Variants in TGM2 observed in about 807,000 individuals in gnomAD.
TGM2 encodes transglutaminase 2, also known as protein-glutamine gamma-glutamyltransferase 2.
A neutral mutation model predicts 75.6 loss-of-function variants in TGM2; 53 were observed. The observed-to-expected ratio is 0.70, with a 90% CI of 0.56 to 0.88. The LOEUF (loss-of-function observed/expected upper bound fraction) is 0.88. TGM2 is among the 40% of genes least tolerant of loss of function. TGM2 has a pLI of 0.00. For missense variants in TGM2, 842 were observed against 928.5 expected (o/e 0.91, Z 1.21); for synonymous variants, 374 against 381.1 (o/e 0.98, Z 0.22).
intron 11 of TGM2, among the ~76,000 whole-genome samples, chr20:38,131,825 T>C (rs978672995): frequency 6.6e-5 from 10 of 152,122 alleles, no homozygotes; most frequent in African/African-American, 2.4e-4. Flanking sequence ...TGAGCCCTTA[T>C]CATGTGCTGA....
chr20:38,141,994 GC>G, intron 7 of TGM2, 69 bp downstream of exon 7: 1 of 1,589,080 alleles, frequency 6.3e-7, no homozygotes. Context: ...CCTCCAAGAA[GC>G]CCTCCAAGGT....
intron 1 of TGM2, among the ~76,000 whole-genome samples, chr20:38,162,595 C>T (rs1338007197): frequency 1.3e-5 from 2 of 152,114 alleles, no homozygotes; most frequent in Non-Finnish European, 1.5e-5. Flanking sequence ...CTATTTGGAT[C>T]TTGATTTCAA....
intron 2 of TGM2, 50 bp downstream of exon 2, chr20:38,161,370 G>A: frequency 1.2e-6 from 2 of 1,603,166 alleles, no homozygotes; most frequent in Non-Finnish European, 1.7e-6. Flanking sequence ...GGGGTGGAGA[G>A]GAAGTGGTGG....
At chr20:38,167,411 A>G (rs1252523979), upstream of TGM2, among the ~76,000 whole-genome samples, 2 of 152,218 alleles carry the variant, frequency 1.3e-5, no homozygotes, top group East Asian at 3.9e-4. Flanking sequence ...ATCTTTGCTC[A>G]CTGCAGCCTC....
intron 2 of TGM2, among the ~76,000 whole-genome samples, chr20:38,160,832 CTTTTTCT>C (rs1424386462): frequency 6.6e-6 from 1 of 152,158 alleles, no homozygotes; most frequent in African/African-American, 2.4e-5. Context: ...CAGACAGGAT[CTTTTTCT>C]TTTTTCTTTT....
Position 38,142,199 on chromosome 20 carries a change from A to G in TGM2, c.860T>C (p.Val287Ala), listed in dbSNP as rs762541606. The change falls in exon 7 of 13, where the codon GTG becomes GCG. Residue 287 changes from valine (V) to alanine (A), a missense_variant and splice_region_variant. Coordinates refer to ENST00000361475, the MANE Select transcript of TGM2 (RefSeq NM_004613.4). ...CWVFAAVACT[V>A]LRCLGIPTRV... ...GGTAGGGATGCCCAGGCACCTCAGC[A>G]CTGTTGGAGAGGAGTGGAAAGCGGG... is the stretch of plus-strand genomic sequence containing the variant. 17 of 1,614,014 alleles carry G rather than the reference A, an allele frequency of 1.1e-5. No individual in the cohort carries two copies. Among genetic ancestry groups the G allele is most frequent in the African/African-American group, 5.3e-5 (4 of 74,924 alleles).
At chr20:38,158,860 C>A (rs949615188) in intron 2 of TGM2, among the ~76,000 whole-genome samples, 1 of 151,332 alleles carries the variant, frequency 6.6e-6, no homozygotes, top group African/African-American at 2.5e-5. Flanking sequence ...GGGCGCTGAC[C>A]CAGGCCAGGC....
chr20:38,167,294 T>C (rs1209283985), upstream of TGM2, among the ~76,000 whole-genome samples: 2 of 152,290 alleles, frequency 1.3e-5, no homozygotes, highest in East Asian at 3.9e-4. Context: ...TATTTTTTCC[T>C]TTAAAACCCT....
chr20:38,149,551 C>T (rs186845548), intron 4 of TGM2, among the ~76,000 whole-genome samples: 40 of 151,898 alleles, frequency 2.6e-4, no homozygotes, highest in African/African-American at 8.5e-4. Context: ...TGGTGGTGGG[C>T]GTCTGTAGTC....
In TGM2 at chr20:38,146,719, G is replaced by C; in HGVS notation, c.857C>G (p.Thr286Arg). The change falls in exon 6 of 13, where the codon ACA (threonine) becomes AGA (arginine). Residue 286 changes from threonine to arginine, a missense_variant and splice_region_variant. By Grantham distance (71) the Thr-to-Arg change is moderately conservative. Coordinates refer to ENST00000361475, the MANE Select transcript of TGM2 (RefSeq NM_004613.4). ...CCACATCCCAGCGTGCAGCTCACCTGTGCAGGCCACGGCGGCGAAGACCCA... is the reference window on the plus strand; with the variant it reads ...CCACATCCCAGCGTGCAGCTCACCTCTGCAGGCCACGGCGGCGAAGACCCA... ...QCWVFAAVAC[T>R]VLRCLGIPTR... is the part of the protein sequence containing the mutation. 1 of 1,613,068 alleles carries C rather than the reference G, an allele frequency of 6.2e-7. No homozygotes were observed. The highest frequency in any genetic ancestry group is 1.3e-5 in the African/African-American group (1 of 75,040).
In TGM2 at chr20:38,141,389, AGG is replaced by A. The variant is rs1487887865; in HGVS notation, c.996-6_996-5del. On this transcript the variant is annotated splice_region_variant and splice_polypyrimidine_tract_variant and intron_variant, in intron 7 of 12. Transcript: ENST00000361475. Reference sequence around the variant, plus strand: ...CTCCACCCAGCAGTGGAAGTTCCTGAGGGGGATAGGGGGGCGGGAATGAAGCA... The same window carrying A: ...CTCCACCCAGCAGTGGAAGTTCCTGAGGGATAGGGGGGCGGGAATGAAGCA... 1 of 1,567,876 alleles carries A rather than the reference AGG, an allele frequency of 6.4e-7. No individual in the cohort carries two copies. Among genetic ancestry groups the A allele is most frequent in the Admixed American group, 1.9e-5 (1 of 53,318 alleles).
intron 10 of TGM2, chr20:38,137,879 T>C: frequency 1.1e-6 from 1 of 914,446 alleles, no homozygotes; most frequent in Non-Finnish European, 1.6e-6. Context: ...TTAACCTCTC[T>C]GTGCCTCAGT....
chr20:38,136,386 A>G lies in TGM2; in HGVS notation c.1615+1727T>C, dbSNP rs77908973. On this transcript the variant is annotated intron_variant, in intron 10 of 12. Coordinates refer to ENST00000361475, the MANE Select transcript of TGM2 (RefSeq NM_004613.4). Reference sequence around the variant, plus strand: ...ACAGGCAGGAGTCCGGGGAAAACAGACGGGGAAACAAACTCTGTAAACACA... The same window carrying G: ...ACAGGCAGGAGTCCGGGGAAAACAGGCGGGGAAACAAACTCTGTAAACACA... 2.2e-3 allele frequency among the ~76,000 whole-genome samples: 330 copies of G among 152,278 alleles called. 2 individuals are homozygous for G. Among genetic ancestry groups the G allele is most frequent in the African/African-American group, 7.4e-3 (307 of 41,554 alleles).
chr20:38,155,852 C>A lies in TGM2; in HGVS notation c.428G>T (p.Cys143Phe). 6.3e-7 allele frequency: 1 copy of A among 1,597,464 alleles called. No individual in the cohort carries two copies. The highest frequency in any genetic ancestry group is 1.1e-5 in the South Asian group (1 of 88,002). The change falls in exon 3 of 13, where the codon TGC (cysteine) becomes TTC (phenylalanine). Residue 143 changes from cysteine (C) to phenylalanine (F), a missense_variant. Transcript: ENST00000361475. Reference protein sequence around the residue: ...GHFILLFNAWCPADAVYLDSE... With the variant: ...GHFILLFNAWFPADAVYLDSE... ...GTGGATGGCGTGTGGCTCACCTGGG[C>A]ACCAGGCGTTGAAGAGCAAAATGAA...
chr20:38,132,693 C>A (rs760484860), intron 10 of TGM2, 193 bp from the exon 11 acceptor site: 1 of 766,830 alleles, frequency 1.3e-6, no homozygotes, highest in South Asian at 1.4e-5. Flanking sequence ...GGACACTGAG[C>A]AGCGGGTAGA....
intron 10 of TGM2, among the ~76,000 whole-genome samples, chr20:38,137,042 G>A (rs908088472): frequency 1.3e-5 from 2 of 152,150 alleles, no homozygotes; most frequent in African/African-American, 4.8e-5. Context: ...GGCTGGTGCT[G>A]GGGACACTGG....
intron 3 of TGM2, among the ~76,000 whole-genome samples, chr20:38,153,776 C>T (rs1307078388): frequency 6.6e-6 from 1 of 152,062 alleles, no homozygotes; most frequent in Non-Finnish European, 1.5e-5. Context: ...GAGGAGGGGT[C>T]AAAGGGGGAG....
intron 11 of TGM2, among the ~76,000 whole-genome samples, 170 bp from the exon 12 acceptor site, chr20:38,131,399 C>T (rs886597998): frequency 1.3e-5 from 2 of 151,482 alleles, no homozygotes; most frequent in East Asian, 1.9e-4. Context: ...GGGAAAACAC[C>T]GATTGTGCTA....
chr20:38,166,551 G>A (rs45552640), upstream of TGM2: 2,417 of 152,354 alleles, frequency 0.016, 45 homozygotes, highest in Middle Eastern at 0.088. Flanking sequence ...AGAGGCCCAC[G>A]GGGCTTCCCT....
Sources: allele counts gnomAD v4.1 joint callset (sites outside exome capture counted in the v4.1 genomes callset), GRCh38; gene constraint gnomAD v4.1.1; transcripts MANE v1.5; gene names NCBI Gene and HGNC (gene_info 2026-07-23, HGNC 2026-07-21).